FBN2: variants seen among roughly 807,000 people sequenced by gnomAD.
FBN2 encodes fibrillin 2, also known as fibrillin-2.
Under a neutral mutation model 355.6 loss-of-function variants are expected in FBN2, and 105 were observed. The ratio of observed to expected loss-of-function variants is 0.30; its 90% confidence interval spans 0.25 to 0.35. The LOEUF is 0.35. Among genes scored for constraint, FBN2 ranks in the 10% least tolerant of loss-of-function variants. FBN2 has a pLI of 1.00. For synonymous variants in FBN2, 1,350 were observed against 1,301.2 expected, an observed-to-expected ratio of 1.04 and a Z score of -0.81; for missense variants, 3,280 against 3,758.7, an observed-to-expected ratio of 0.87 and a Z score of 3.33.
At chr5:128,372,005 C>A (rs1224842536) in intron 15 of FBN2, among the ~76,000 whole-genome samples, 1 of 152,056 alleles carries the variant, frequency 6.6e-6, no homozygotes, top group East Asian at 1.9e-4. Context: ...AAGACTATGA[C>A]CTAGATATGA....
chr5:128,291,027 C>T, intron 49 of FBN2, 143 bp from the exon 50 acceptor site: 1 of 672,312 alleles, frequency 1.5e-6, no homozygotes, highest in South Asian at 1.9e-5. Flanking sequence ...TTTCATTTGC[C>T]AATTTAGACT....
At chr5:128,500,293 T>C (rs1755771712) in intron 5 of FBN2, among the ~76,000 whole-genome samples, 1 of 151,872 alleles carries the variant, frequency 6.6e-6, no homozygotes, top group South Asian at 2.1e-4. Context: ...ACTTTTACTG[T>C]CAGCAGCTAA....
At chr5:128,448,192 G>A (rs548448836) in intron 6 of FBN2, among the ~76,000 whole-genome samples, 17 of 152,056 alleles carry the variant, frequency 1.1e-4, no homozygotes, top group Admixed American at 8.5e-4. Context: ...CCTTCAGAAT[G>A]CCTGCAGGAG....
At chr5:128,287,935 T>A (rs1241935135) in intron 53 of FBN2, among the ~76,000 whole-genome samples, 2 of 152,146 alleles carry the variant, frequency 1.3e-5, no homozygotes, top group Non-Finnish European at 2.9e-5. Context: ...GTACTATGCA[T>A]GTGTGGGGCA....
Position 128,330,655 on chromosome 5 carries a change from G to A in FBN2, c.4263C>T (p.Ile1421=). ...CCGGGGTATTTACACACTGAGCATTGATGCTACACTGGTGGGTTCCATTAG... is the reference window on the plus strand; with the variant it reads ...CCGGGGTATTTACACACTGAGCATTAATGCTACACTGGTGGGTTCCATTAG... The part of the protein sequence containing the change: ...ECSNGTHQCS[I]NAQCVNTPGS... Residue 1421 remains isoleucine, a synonymous_variant, in exon 33 of 65, where the codon ATC becomes ATT. Coordinates refer to ENST00000262464, the MANE Select transcript of FBN2 (RefSeq NM_001999.4). 1 of 1,613,792 alleles carries A rather than the reference G, an allele frequency of 6.2e-7. No individual in the cohort carries two copies. The highest frequency in any genetic ancestry group is 1.1e-5 in the South Asian group (1 of 91,070).
chr5:128,537,677 A>T lies in FBN2; in HGVS notation c.-74T>A, dbSNP rs1045885984. The T allele has an allele frequency of 6.8e-7, 1 of 1,463,172 alleles. No individual in the cohort carries two copies. The highest frequency in any genetic ancestry group is 9.4e-7 in the Non-Finnish European group (1 of 1,066,326). The allele number at this position is 1,463,172 out of a possible 1,614,324, so 90.6% of individuals were successfully genotyped here. ...CAAAGACAAAATCTGCGCGCCTCAGAAAAGAGTCAGGGTCTAATAAGCCCT... is the reference window on the plus strand; with the variant it reads ...CAAAGACAAAATCTGCGCGCCTCAGTAAAGAGTCAGGGTCTAATAAGCCCT... On this transcript the variant is annotated 5_prime_UTR_variant, in exon 1 of 65. Transcript: ENST00000262464.
At chr5:128,350,352 A>G (rs1168438648) in intron 21 of FBN2, among the ~76,000 whole-genome samples, 2 of 152,044 alleles carry the variant, frequency 1.3e-5, no homozygotes, top group Non-Finnish European at 2.9e-5. Flanking sequence ...GGAGTTGGAG[A>G]CCCATCTGAC....
At chr5:128,451,512 G>A (rs544864662) in intron 6 of FBN2, among the ~76,000 whole-genome samples, 1 of 152,212 alleles carries the variant, frequency 6.6e-6, no homozygotes, top group Admixed American at 6.5e-5. Flanking sequence ...CGATTGTCCT[G>A]CCTCAGGCCT....
At chr5:128,435,275 T>C (rs965038412) in intron 7 of FBN2, among the ~76,000 whole-genome samples, 1 of 152,222 alleles carries the variant, frequency 6.6e-6, no homozygotes, top group Non-Finnish European at 1.5e-5. Flanking sequence ...CATCTCATGA[T>C]AGACTTGGGG....
At chr5:128,430,793 G>A (rs908845165) in intron 7 of FBN2, among the ~76,000 whole-genome samples, 2 of 151,246 alleles carry the variant, frequency 1.3e-5, no homozygotes, top group East Asian at 2.0e-4. Flanking sequence ...GCAGTGAGCC[G>A]AGATCACACC....
intron 23 of FBN2, 131 bp from the exon 24 acceptor site, chr5:128,345,715 C>T: frequency 1.3e-6 from 1 of 761,530 alleles, no homozygotes; most frequent in Non-Finnish European, 2.3e-6. Context: ...AGATGCAGTC[C>T]CTGACCTCCT....
chr5:128,449,426 T>C (rs1257691829), intron 6 of FBN2, among the ~76,000 whole-genome samples: 1 of 139,506 alleles, frequency 7.2e-6, no homozygotes, highest in African/African-American at 2.7e-5. Flanking sequence ...TACTATATAA[T>C]AGTATACTGT....
At position 128,422,794 on chromosome 5, in the gene FBN2, C is replaced by A. The variant is rs116677216; in HGVS notation, c.953-13995G>T. Among the ~76,000 whole-genome samples, 978 of 152,206 alleles carry A rather than the reference C, an allele frequency of 6.4e-3. 13 individuals carry two copies. Among genetic ancestry groups the A allele is most frequent in the African/African-American group, 0.022 (917 of 41,532 alleles). ...ACAAAACTTTACTGTGTGTAAGAAT[C>A]ACATGGACAGCTTATTAAACATGCA... On this transcript the variant is annotated intron_variant, in intron 7 of 64. Transcript: ENST00000262464.
chr5:128,389,480 C>T (rs1359269835), intron 11 of FBN2, among the ~76,000 whole-genome samples: 1 of 152,250 alleles, frequency 6.6e-6, no homozygotes, highest in African/African-American at 2.4e-5. Context: ...CAGAGGCCGG[C>T]AGATGGGGGA....
chr5:128,363,340 C>A (rs1159613264), intron 18 of FBN2, among the ~76,000 whole-genome samples: 1 of 152,038 alleles, frequency 6.6e-6, no homozygotes, highest in African/African-American at 2.4e-5. Flanking sequence ...CAGGCACGTG[C>A]CACCATGCCC....
At chr5:128,280,464 T>C (rs193219664) in intron 55 of FBN2, 147 bp from the exon 56 acceptor site, 89 of 656,968 alleles carry the variant, frequency 1.4e-4, no homozygotes, top group Admixed American at 4.0e-4. Context: ...TGAATATTAA[T>C]TTATTTTTAG....
chr5:128,286,942 T>A, intron 54 of FBN2, 93 bp from the exon 55 acceptor site: 1 of 1,220,384 alleles, frequency 8.2e-7, no homozygotes, highest in Non-Finnish European at 1.2e-6. Flanking sequence ...ACTTAACATG[T>A]AATTTTATGG....
At chr5:128,323,986 A>T (rs1288558767) in intron 34 of FBN2, among the ~76,000 whole-genome samples, 1 of 152,204 alleles carries the variant, frequency 6.6e-6, no homozygotes, top group Non-Finnish European at 1.5e-5. Flanking sequence ...TGGTCTATTA[A>T]GGGATTCAAC....
At chr5:128,512,510 C>G (rs1379238152) in intron 5 of FBN2, among the ~76,000 whole-genome samples, 1 of 85,236 alleles carries the variant, frequency 1.2e-5, no homozygotes, top group African/African-American at 4.4e-5. Context: ...AGGAACCCGT[C>G]TCAAAAAAAA....
Sources: gnomAD v4.1 joint callset for allele counts (sites outside exome capture counted in the v4.1 genomes callset) on GRCh38, gnomAD v4.1.1 for gene constraint, MANE v1.5 for transcripts, NCBI Gene and HGNC (gene_info 2026-07-23, HGNC 2026-07-21) for gene names.